Variants in DOCK9 observed in about 807,000 individuals in gnomAD.
The protein encoded by DOCK9 is dedicator of cytokinesis protein 9.
DOCK9 carries 89 observed loss-of-function variants against 263.3 expected under a neutral mutation model. The observed-to-expected ratio is 0.34, with a 90% CI of 0.28 to 0.40. The LOEUF is 0.40. Among genes scored for constraint, DOCK9 ranks in the 10% least tolerant of loss-of-function variants. The pLI is 1.00. For missense variants in DOCK9, 2,140 were observed against 2,603.4 expected (o/e 0.82, Z 3.87); for synonymous variants, 976 against 973.1 (o/e 1.00, Z -0.06).
At position 98,835,334 on chromosome 13, in the gene DOCK9, G is replaced by A. The variant is rs2092950156; in HGVS notation, c.4314+2160C>T. On this transcript the variant is annotated intron_variant, in intron 39 of 52. Coordinates refer to ENST00000682017, the MANE Select transcript of DOCK9 (RefSeq NM_001366683.2). Reference sequence around the variant, plus strand: ...GCCTGAGTAAATATTTGCAAAGAAAGATCCCAGTGGCTGCGGTGCCAATGG... The same window carrying A: ...GCCTGAGTAAATATTTGCAAAGAAAAATCCCAGTGGCTGCGGTGCCAATGG... Among the ~76,000 whole-genome samples, 3 of 152,290 alleles carry A rather than the reference G, an allele frequency of 2.0e-5. No individual in the cohort carries two copies. The South Asian group carries it at 6.2e-4, about 32-fold the overall frequency.
intron 11 of DOCK9, among the ~76,000 whole-genome samples, 153 bp downstream of exon 11, chr13:98,902,819 C>T (rs2048491174): frequency 6.6e-6 from 1 of 152,202 alleles, no homozygotes; most frequent in African/African-American, 2.4e-5. Context: ...AACATCCTGT[C>T]CTTGCAGGCT....
intron 33 of DOCK9, chr13:98,858,112 A>G (rs908069298): frequency 2.0e-5 from 3 of 152,202 alleles, no homozygotes; most frequent in Non-Finnish European, 2.9e-5. Context: ...GAAATGCAAT[A>G]TATCAAAATC....
chr13:98,812,528 C>A (rs1277139125), intron 45 of DOCK9, among the ~76,000 whole-genome samples: 9 of 152,278 alleles, frequency 5.9e-5, no homozygotes, highest in Non-Finnish European at 1.0e-4. Context: ...ATGGACCTAA[C>A]AGACAACTGA....
chr13:98,992,151 G>A (rs1210288158), intron 1 of DOCK9, among the ~76,000 whole-genome samples: 2 of 152,070 alleles, frequency 1.3e-5, no homozygotes, highest in African/African-American at 4.8e-5. Context: ...CCCAACAGGA[G>A]GGATGGCTGA....
At chr13:98,907,082 A>C (rs2049224955) in intron 9 of DOCK9, among the ~76,000 whole-genome samples, 1 of 152,174 alleles carries the variant, frequency 6.6e-6, no homozygotes, top group African/African-American at 2.4e-5. Flanking sequence ...ACTTCATTTT[A>C]TTCTATCCTG....
At chr13:98,871,455 C>G (rs2094183237) in intron 27 of DOCK9, among the ~76,000 whole-genome samples, 1 of 152,234 alleles carries the variant, frequency 6.6e-6, no homozygotes, top group African/African-American at 2.4e-5. Flanking sequence ...AAATGAAGTT[C>G]TCCCTGCAGT....
At chr13:98,961,311 C>T (rs746539610) in intron 1 of DOCK9, among the ~76,000 whole-genome samples, 1 of 152,194 alleles carries the variant, frequency 6.6e-6, no homozygotes, top group Non-Finnish European at 1.5e-5. Flanking sequence ...CCCGGGGGCC[C>T]GCCCAGCAAA....
At chr13:98,954,440 G>T (rs79524705) in intron 2 of DOCK9, among the ~76,000 whole-genome samples, 9,179 of 152,188 alleles carry the variant, frequency 0.06, 339 homozygotes, top group East Asian at 0.13. Context: ...AACACCACCG[G>T]GTTTCCTGGA....
chr13:98,932,591 A>G (rs1321960490), intron 2 of DOCK9, among the ~76,000 whole-genome samples: 3 of 152,150 alleles, frequency 2.0e-5, no homozygotes, highest in African/African-American at 7.2e-5. Context: ...CTTTGGGTCA[A>G]ACCTCTGCTC....
intron 1 of DOCK9, among the ~76,000 whole-genome samples, chr13:99,084,503 A>G (rs1264180439): frequency 1.3e-5 from 2 of 152,186 alleles, no homozygotes. Context: ...ATGTACTACT[A>G]AAGTATCATG....
At chr13:98,974,748 CAAA>C (rs57196019) in intron 1 of DOCK9, among the ~76,000 whole-genome samples, 1,092 of 33,040 alleles carry the variant, frequency 0.033, 5 homozygotes, top group South Asian at 0.24. Context: ...AACTCTGTCT[CAAA>C]AAAAAAAAAA....
chr13:99,047,816 C>T (rs528539193), intron 1 of DOCK9, among the ~76,000 whole-genome samples: 54 of 152,260 alleles, frequency 3.5e-4, no homozygotes, highest in South Asian at 1.0e-3. Flanking sequence ...AGCTACTGCG[C>T]CTGGCCCTAA....
chr13:98,831,913 T>A, intron 39 of DOCK9, 127 bp from the exon 40 acceptor site: 1 of 1,145,064 alleles, frequency 8.7e-7, no homozygotes, highest in Non-Finnish European at 1.2e-6. Flanking sequence ...AAACTCTGCC[T>A]TGAATCCTCT....
At chr13:98,947,142 T>C (rs1418815284) in intron 2 of DOCK9, among the ~76,000 whole-genome samples, 2 of 152,168 alleles carry the variant, frequency 1.3e-5, no homozygotes, top group Non-Finnish European at 2.9e-5. Flanking sequence ...ACTGCCACAG[T>C]AGATTCCCAT....
chr13:99,010,014 G>A (rs1884203180), intron 1 of DOCK9, among the ~76,000 whole-genome samples: 1 of 150,828 alleles, frequency 6.6e-6, no homozygotes, highest in Non-Finnish European at 1.5e-5. Context: ...AAAAAAAAAA[G>A]AGAGAGAAAT....
chr13:99,071,345 A>G (rs780554674), intron 1 of DOCK9, among the ~76,000 whole-genome samples: 2 of 75,024 alleles, frequency 2.7e-5, no homozygotes, highest in Non-Finnish European at 4.8e-5. Context: ...CATGTTGCCC[A>G]GGCTGGCCTT....
chr13:98,818,987 G>A (rs920992840), intron 45 of DOCK9, among the ~76,000 whole-genome samples: 8 of 152,248 alleles, frequency 5.3e-5, no homozygotes, highest in Admixed American at 1.3e-4. Context: ...AGATGCCATC[G>A]GTATTACCTA....
chr13:98,891,783 C>A (rs1355692708), intron 15 of DOCK9, among the ~76,000 whole-genome samples: 6 of 151,328 alleles, frequency 4.0e-5, no homozygotes, highest in Non-Finnish European at 8.8e-5. Flanking sequence ...GAGTTTAGTT[C>A]CATATTATGT....
intron 1 of DOCK9, among the ~76,000 whole-genome samples, chr13:99,043,233 A>G (rs1001989207): frequency 1.3e-5 from 2 of 152,256 alleles, no homozygotes; most frequent in Middle Eastern, 3.2e-3. Flanking sequence ...CAGTGACCTC[A>G]GTAGGACTTT....
Sources: gnomAD v4.1 joint callset for allele counts (sites outside exome capture counted in the v4.1 genomes callset) on GRCh38, gnomAD v4.1.1 for gene constraint, MANE v1.5 for transcripts, NCBI Gene and HGNC (gene_info 2026-07-23, HGNC 2026-07-21) for gene names.